Variants in NAA35 observed in about 807,000 individuals in gnomAD.
NAA35 encodes MAK10 homolog, amino-acid N-acetyltransferase subunit.
Under a neutral mutation model 101.7 loss-of-function variants are expected in NAA35, and 18 were observed. That is an observed-to-expected ratio of 0.18 (90% CI 0.12 to 0.26). The LOEUF is 0.26. NAA35 is among the 10% of genes least tolerant of loss of function. The probability of loss-of-function intolerance (pLI) is 1.00; values close to 1 mark genes in which losing one functional copy is unlikely to be tolerated. For missense variants in NAA35, 601 were observed against 886.8 expected (o/e 0.68, Z 4.09); for synonymous variants, 267 against 273.1 (o/e 0.98, Z 0.22).
chr9:85,989,667 T>C (rs1039547963), intron 11 of NAA35, among the ~76,000 whole-genome samples: 5 of 152,168 alleles, frequency 3.3e-5, no homozygotes, highest in Non-Finnish European at 5.9e-5. Flanking sequence ...TTCAGCCTAC[T>C]GAGACATAAA....
intron 17 of NAA35, among the ~76,000 whole-genome samples, chr9:86,014,614 A>T (rs747815142): frequency 6.6e-6 from 1 of 152,212 alleles, no homozygotes; most frequent in African/African-American, 2.4e-5. Context: ...ATAGAGTTCA[A>T]CTTTTAAACT....
intron 15 of NAA35, 26 bp from the exon 16 acceptor site, chr9:86,013,020 G>T: frequency 7.0e-7 from 1 of 1,431,314 alleles, no homozygotes; most frequent in South Asian, 1.5e-5. Context: ...CATATTTACA[G>T]TTGACAAATT....
rs115223356 is a variant in NAA35 at position 85,974,918 on chromosome 9, T to G, written c.517-49T>G. The G allele has an allele frequency of 6.2e-4, 833 of 1,344,086 alleles. 4 individuals are homozygous for G. The African/African-American group carries it at 0.011, about 18-fold the overall frequency. 83.3% of individuals were successfully genotyped at this position (1,344,086 alleles called of 1,614,324 possible). ...AGAAAAGTTTTATATTTTGCCGCTA[T>G]TTAAGGTTTTTTGCTATTCATGAGC... On this transcript the variant is annotated intron_variant, in intron 6 of 22. Transcript: ENST00000361671.
intron 11 of NAA35, among the ~76,000 whole-genome samples, chr9:85,985,846 A>G (rs931931533): frequency 1.3e-5 from 2 of 152,242 alleles, no homozygotes; most frequent in Admixed American, 6.5e-5. Context: ...GACACAAACC[A>G]TCATTTAGTT....
At chr9:86,017,092 G>A (rs760739085) in intron 18 of NAA35, among the ~76,000 whole-genome samples, 2 of 152,206 alleles carry the variant, frequency 1.3e-5, no homozygotes, top group Non-Finnish European at 2.9e-5. Flanking sequence ...ACAGAGAACC[G>A]TTTCAAAGGG....
intron 2 of NAA35, among the ~76,000 whole-genome samples, chr9:85,942,564 A>G (rs1016478544): frequency 1.3e-5 from 2 of 152,250 alleles, no homozygotes; most frequent in Non-Finnish European, 2.9e-5. Flanking sequence ...CACTTTGTTA[A>G]TCTAAAAGAT....
rs752269619 is a variant in NAA35, at chr9:85,942,195, A to G, written c.36A>G (p.Ser12=). Residue 12 remains serine (S), a synonymous_variant, in exon 2 of 23, where the codon TCA becomes TCG. Coordinates refer to ENST00000361671, the MANE Select transcript of NAA35 (RefSeq NM_024635.4). ...VMKASVDDDD[S]GWELSMPEKM... is the part of the protein sequence containing the mutation. Reference sequence around the variant, plus strand: ...AAGCTTCTGTAGATGATGACGATTCAGGATGGGAGCTCAGTATGCCAGAAA... The same window carrying G: ...AAGCTTCTGTAGATGATGACGATTCGGGATGGGAGCTCAGTATGCCAGAAA... 23 of 1,614,078 alleles carry G rather than the reference A, an allele frequency of 1.4e-5. No homozygotes were observed. In the South Asian group the frequency reaches 2.4e-4, roughly 17 times the overall value.
At chr9:85,999,686 GA>G (rs1345512803) in intron 12 of NAA35, among the ~76,000 whole-genome samples, 1 of 152,200 alleles carries the variant, frequency 6.6e-6, no homozygotes. Context: ...CAAGCTGCAG[GA>G]TTTCTTAATA....
rs74477243 is a variant in NAA35, at chr9:85,967,234, T to A, written c.516+5054T>A. On this transcript the variant is annotated intron_variant, in intron 6 of 22. Transcript: ENST00000361671. ...TAAATTATGGATAATTGATTACACATAATTTATTATGTATATTGAGTATGT... is the reference window on the plus strand; with the variant it reads ...TAAATTATGGATAATTGATTACACAAAATTTATTATGTATATTGAGTATGT... 9.8e-5 allele frequency among the ~76,000 whole-genome samples: 15 copies of A among 152,316 alleles called. No individual in the cohort carries two copies. The East Asian group carries it at 2.9e-3, about 29-fold the overall frequency.
chr9:86,018,216 A>G lies in NAA35; in HGVS notation c.1774-39A>G, dbSNP rs760688571. On this transcript the variant is annotated intron_variant, in intron 19 of 22. Coordinates refer to ENST00000361671, the MANE Select transcript of NAA35 (RefSeq NM_024635.4). ...ATTGATGAGTGTTCACTTTTTTCAT[A>G]TTGATTTCATCTTTTTTCTTATTCC... is the stretch of plus-strand genomic sequence containing the variant. 3.8e-6 allele frequency: 6 copies of G among 1,578,706 alleles called. No individual in the cohort carries two copies. In the African/African-American group the frequency reaches 6.8e-5, roughly 18 times the overall value.
chr9:85,997,943 C>G (rs1831243482), intron 12 of NAA35, among the ~76,000 whole-genome samples: 1 of 151,476 alleles, frequency 6.6e-6, no homozygotes, highest in Non-Finnish European at 1.5e-5. Flanking sequence ...GAGACAGAGT[C>G]TCACTCTGTC....
chr9:85,989,229 T>A (rs1830788334), intron 11 of NAA35, among the ~76,000 whole-genome samples: 1 of 152,036 alleles, frequency 6.6e-6, no homozygotes, highest in African/African-American at 2.4e-5. Context: ...TCCCAGCACT[T>A]TGGGAGGCCA....
intron 15 of NAA35, among the ~76,000 whole-genome samples, chr9:86,011,973 A>T (rs980395963): frequency 5.9e-5 from 8 of 135,542 alleles, no homozygotes; most frequent in Non-Finnish European, 8.0e-5. Flanking sequence ...AATGTATATA[A>T]TATATAATAT....
At chr9:86,017,393 A>T in intron 18 of NAA35, 105 bp from the exon 19 acceptor site, 1 of 907,286 alleles carries the variant, frequency 1.1e-6, no homozygotes, top group Middle Eastern at 2.2e-4. Context: ...GTTTTAATTT[A>T]GTATACAAGC....
rs76512245 is a variant in NAA35, at chr9:85,969,859, T to TAAA, written c.517-5092_517-5090dup. ...TGGATGGTCAAATGACTCTGTCTCT[T>TAAA]AAAAAAAAAAAAAAAAAAGATGTGT... On this transcript the variant is annotated intron_variant, in intron 6 of 22. Transcript: ENST00000361671. 1.3e-3 allele frequency among the ~76,000 whole-genome samples: 172 copies of TAAA among 134,836 alleles called. 4 individuals carry two copies. In the South Asian group the frequency reaches 0.035, roughly 28 times the overall value. The allele number at this position is 134,836 out of a possible 152,430, so 88.5% of individuals were successfully genotyped here.
At chr9:85,965,172 C>G (rs376815203) in intron 6 of NAA35, among the ~76,000 whole-genome samples, 15 of 152,312 alleles carry the variant, frequency 9.8e-5, no homozygotes, top group African/African-American at 3.6e-4. Context: ...CTTGACTCAG[C>G]AGTTTCACTT....
chr9:85,956,725 G>A lies in NAA35; in HGVS notation c.158+332G>A, dbSNP rs567174546. On this transcript the variant is annotated intron_variant, in intron 3 of 22. Transcript: ENST00000361671. ...ATAACCAGAAATTGGGTGACTAAGT[G>A]CCTAGATAAAAGTAAATGAGAATCC... 2.0e-5 allele frequency among the ~76,000 whole-genome samples: 3 copies of A among 152,298 alleles called. 1 individual carries two copies. The highest frequency in any genetic ancestry group is 7.2e-5 in the African/African-American group (3 of 41,560).
intron 22 of NAA35, 68 bp from the exon 23 acceptor site, chr9:86,021,833 A>G: frequency 8.1e-7 from 1 of 1,237,736 alleles, no homozygotes; most frequent in Non-Finnish European, 1.2e-6. Flanking sequence ...AAATAAAAAT[A>G]GTCTTTGTTT....
At chr9:85,999,673 C>T (rs185404281) in intron 12 of NAA35, among the ~76,000 whole-genome samples, 29 of 152,330 alleles carry the variant, frequency 1.9e-4, no homozygotes, top group Non-Finnish European at 3.7e-4. Flanking sequence ...AGAATTTTCT[C>T]AGCAAGCTGC....
Sources: allele counts gnomAD v4.1 joint callset (sites outside exome capture counted in the v4.1 genomes callset), GRCh38; gene constraint gnomAD v4.1.1; transcripts MANE v1.5; gene names NCBI Gene and HGNC (gene_info 2026-07-23, HGNC 2026-07-21).